Variants in LAMB4 observed in about 807,000 individuals in gnomAD.
LAMB4 encodes laminin subunit beta 4.
LAMB4 carries 196 observed loss-of-function variants against 199.2 expected under a neutral mutation model. The observed-to-expected ratio is 0.98, with a 90% CI of 0.88 to 1.11. The LOEUF is 1.11. Among genes scored for constraint, LAMB4 ranks in the 50% least tolerant of loss-of-function variants. The probability of loss-of-function intolerance (pLI) is 0.00; values close to 1 mark genes in which losing one functional copy is unlikely to be tolerated. For synonymous variants in LAMB4, 744 were observed against 770.6 expected, an observed-to-expected ratio of 0.97 and a Z score of 0.57; for missense variants, 2,080 against 2,171.2, an observed-to-expected ratio of 0.96 and a Z score of 0.83.
At chr7:108,041,392 TG>T (rs1335129931) in intron 29 of LAMB4, among the ~76,000 whole-genome samples, 1 of 152,222 alleles carries the variant, frequency 6.6e-6, no homozygotes, top group Non-Finnish European at 1.5e-5. Context: ...ATCTCATTAC[TG>T]GGTATATACC....
At chr7:108,054,146 C>T (rs919220831) in intron 25 of LAMB4, among the ~76,000 whole-genome samples, 6 of 152,182 alleles carry the variant, frequency 3.9e-5, no homozygotes, top group Non-Finnish European at 5.9e-5. Flanking sequence ...CTATGTAGCC[C>T]AGGCTGGTCT....
chr7:108,100,761 T>C (rs2037787464), intron 10 of LAMB4, among the ~76,000 whole-genome samples: 2 of 152,222 alleles, frequency 1.3e-5, no homozygotes, highest in African/African-American at 4.8e-5. Flanking sequence ...CTTTTATAAA[T>C]ACATAGTTTT....
chr7:108,107,417 C>T (rs958701001), intron 6 of LAMB4, among the ~76,000 whole-genome samples: 1 of 152,176 alleles, frequency 6.6e-6, no homozygotes, highest in Non-Finnish European at 1.5e-5. Flanking sequence ...TTATCCCATG[C>T]CCACCTTCAG....
rs1221370992 is a variant in LAMB4 at position 108,098,517 on chromosome 7, A to C, written c.1246T>G (p.Leu416Val). The C allele has an allele frequency of 1.2e-6, 2 of 1,613,838 alleles. No individual in the cohort carries two copies. Among genetic ancestry groups the C allele is most frequent in the Admixed American group, 3.3e-5 (2 of 60,016 alleles). The change falls in exon 11 of 34, where the codon TTA becomes GTA. Residue 416 changes from leucine to valine, a missense_variant. By Grantham distance (32) the Leu-to-Val change is conservative. Transcript: ENST00000388781. ...GICVSHSDPA[L>V]GSVAGQCLCK... is the part of the protein sequence containing the mutation. ...AGGCACTGGCCGGCCACAGACCCTA[A>C]GGCAGGATCAGAGTGGCTCACACAA...
At chr7:108,074,451 C>T (rs2036629972) in intron 17 of LAMB4, among the ~76,000 whole-genome samples, 1 of 152,162 alleles carries the variant, frequency 6.6e-6, no homozygotes, top group African/African-American at 2.4e-5. Context: ...TCACCGCAAC[C>T]TCTGCCTCCC....
chr7:108,091,953 T>C (rs2037422549), intron 13 of LAMB4, among the ~76,000 whole-genome samples, 177 bp from the exon 14 acceptor site: 1 of 152,152 alleles, frequency 6.6e-6, no homozygotes, highest in Non-Finnish European at 1.5e-5. Flanking sequence ...TCTTGAATAG[T>C]GAATCCAGGG....
chr7:108,037,602 T>C lies in LAMB4; in HGVS notation c.4472-7A>G. The C allele has an allele frequency of 6.2e-7, 1 of 1,610,882 alleles. No homozygotes were observed. Among genetic ancestry groups the C allele is most frequent in the Middle Eastern group, 1.7e-4 (1 of 6,058 alleles). ...TCTGGAGGCACGTTTTCCTCTTAAA[T>C]AAGAAGCAGGGTTTTAGGTAATCAT... On this transcript the variant is annotated splice_region_variant and splice_polypyrimidine_tract_variant and intron_variant, in intron 29 of 33. Coordinates refer to ENST00000388781, the MANE Select transcript of LAMB4 (RefSeq NM_007356.3).
intron 10 of LAMB4, among the ~76,000 whole-genome samples, chr7:108,101,402 T>C (rs1489475308): frequency 6.6e-6 from 1 of 152,158 alleles, no homozygotes; most frequent in Non-Finnish European, 1.5e-5. Flanking sequence ...ATAAACTCAC[T>C]AGATATGCAC....
At chr7:108,028,929 C>T in intron 33 of LAMB4, 114 bp downstream of exon 33, 5 of 984,758 alleles carry the variant, frequency 5.1e-6, no homozygotes, top group Admixed American at 5.3e-5. Flanking sequence ...CTTCTCTCTC[C>T]TCAGTGGACC....
chr7:108,094,910 T>C (rs2037538708), intron 12 of LAMB4, among the ~76,000 whole-genome samples: 1 of 152,168 alleles, frequency 6.6e-6, no homozygotes, highest in African/African-American at 2.4e-5. Context: ...GCCCAAAACA[T>C]AGACAGATAA....
At chr7:108,091,605 G>A (rs1289590755) in intron 14 of LAMB4, 21 bp downstream of exon 14, 2 of 1,609,004 alleles carry the variant, frequency 1.2e-6, no homozygotes, top group East Asian at 2.2e-5. Flanking sequence ...AGTCTGTAGG[G>A]AAAGTAAATG....
rs1446059403 is a variant in LAMB4 at position 108,103,207 on chromosome 7, G to A, written c.1017C>T (p.Ser339=). The part of the protein sequence containing the change: ...CRSCSCNSHS[S]RCHFDMTTYL... The stretch of plus-strand genomic sequence containing the variant: ...ACGTAGTCATGTCAAAGTGACAGCG[G>A]CTGGAGTGGCTATTACAGCTGCACG... The change falls in exon 10 of 34, where the codon AGC becomes AGT. Residue 339 remains serine (S), a synonymous_variant. Transcript: ENST00000388781. 11 of 1,572,632 alleles carry A rather than the reference G, an allele frequency of 7.0e-6. No homozygotes were observed. The East Asian group carries it at 2.3e-4, about 33-fold the overall frequency.
intron 29 of LAMB4, among the ~76,000 whole-genome samples, chr7:108,042,774 CA>C (rs2035464041): frequency 6.6e-6 from 1 of 152,024 alleles, no homozygotes; most frequent in Non-Finnish European, 1.5e-5. Context: ...ACCTTGGCCA[CA>C]GGGGTCTCTC....
At chr7:108,033,532 C>A (rs1359995076) in intron 31 of LAMB4, among the ~76,000 whole-genome samples, 1 of 152,054 alleles carries the variant, frequency 6.6e-6, no homozygotes, top group Non-Finnish European at 1.5e-5. Context: ...CCTCAGCCTT[C>A]CAAGTAGCTG....
chr7:108,084,456 C>T (rs2150590072), intron 14 of LAMB4, among the ~76,000 whole-genome samples: 1 of 151,630 alleles, frequency 6.6e-6, no homozygotes, highest in Admixed American at 6.6e-5. Context: ...AATTTTATTT[C>T]TTTGAACTTG....
At chr7:108,057,108 T>A (rs541339388) in intron 24 of LAMB4, among the ~76,000 whole-genome samples, 4 of 152,164 alleles carry the variant, frequency 2.6e-5, no homozygotes, top group Admixed American at 6.5e-5. Flanking sequence ...AGGGGTGGTG[T>A]CATGTCACTT....
At chr7:108,012,253 A>G in the LAMB4 span, among the ~76,000 whole-genome samples, 2 of 152,162 alleles carry the variant, frequency 1.3e-5, no homozygotes, top group Non-Finnish European at 2.9e-5. Context: ...TATAAACAAA[A>G]TATAAACACA....
chr7:108,050,215 G>A (rs915811823), intron 26 of LAMB4, among the ~76,000 whole-genome samples: 2 of 152,314 alleles, frequency 1.3e-5, no homozygotes, highest in Non-Finnish European at 2.9e-5. Context: ...CCCTGATGTT[G>A]AGGCTGCTAA....
chr7:108,044,034 CA>C, intron 28 of LAMB4, 138 bp from the exon 29 acceptor site: 3 of 620,772 alleles, frequency 4.8e-6, no homozygotes, highest in Non-Finnish European at 7.9e-6. Context: ...ACCATAGATT[CA>C]TTTGCAAGGA....
Sources: allele counts gnomAD v4.1 joint callset (sites outside exome capture counted in the v4.1 genomes callset), GRCh38; gene constraint gnomAD v4.1.1; transcripts MANE v1.5; gene names NCBI Gene and HGNC (gene_info 2026-07-23, HGNC 2026-07-21).